Variants in TRIM71 observed in about 807,000 individuals in gnomAD.
TRIM71 encodes the protein E3 ubiquitin-protein ligase TRIM71.
In TRIM71, 9 loss-of-function variants were observed where a neutral mutation model predicts 61.2. The observed-to-expected ratio is 0.15, with a 90% CI of 0.09 to 0.26. The LOEUF (loss-of-function observed/expected upper bound fraction) is 0.26, where lower values mean the gene tolerates loss of function less well. Ranked by LOEUF, TRIM71 falls within the 10% of genes least tolerant of loss-of-function variation. The pLI is 1.00. For synonymous variants in TRIM71, 645 were observed against 553.2 expected (o/e 1.17, Z -2.33); for missense variants, 998 against 1,238.7 (o/e 0.81, Z 2.92).
At chr3:32,829,727 T>G (rs1025213887) in intron 1 of TRIM71, among the ~76,000 whole-genome samples, 5 of 151,948 alleles carry the variant, frequency 3.3e-5, no homozygotes, top group Non-Finnish European at 7.4e-5. Context: ...TAAGTCTTCA[T>G]AGAAGAAGCT....
At chr3:32,828,681 G>C (rs945339541) in intron 1 of TRIM71, among the ~76,000 whole-genome samples, 1 of 151,770 alleles carries the variant, frequency 6.6e-6, no homozygotes, top group Non-Finnish European at 1.5e-5. Context: ...AATTCTTTTT[G>C]TAGAGACTGG....
intron 1 of TRIM71, among the ~76,000 whole-genome samples, chr3:32,822,233 T>G (rs1696143207): frequency 6.6e-6 from 1 of 151,980 alleles, no homozygotes; most frequent in South Asian, 2.1e-4. Context: ...CTGGAAAACA[T>G]TGTAGCCCGC....
At chr3:32,837,147 A>T (rs149688425) in intron 1 of TRIM71, among the ~76,000 whole-genome samples, 3 of 152,264 alleles carry the variant, frequency 2.0e-5, no homozygotes, top group Non-Finnish European at 4.4e-5. Flanking sequence ...CATTGTTAAC[A>T]GCGTGGATAA....
chr3:32,858,998 T>C (rs1575351224), intron 1 of TRIM71, among the ~76,000 whole-genome samples: 2 of 152,230 alleles, frequency 1.3e-5, no homozygotes, highest in South Asian at 2.1e-4. Flanking sequence ...GGGTGGATGG[T>C]GAGGCTCTGC....
At chr3:32,868,051 A>G (rs1461080575) in intron 1 of TRIM71, among the ~76,000 whole-genome samples, 3 of 152,168 alleles carry the variant, frequency 2.0e-5, no homozygotes, top group Non-Finnish European at 4.4e-5. Context: ...ACGCAACACA[A>G]CAAGACTTTT....
intron 1 of TRIM71, among the ~76,000 whole-genome samples, chr3:32,837,792 C>G (rs1051549549): frequency 6.7e-6 from 1 of 150,058 alleles, no homozygotes; most frequent in Non-Finnish European, 1.5e-5. Context: ...GGTGACAGAG[C>G]GAGACTCCAT....
At chr3:32,880,491 T>C (rs563361198) in intron 2 of TRIM71, among the ~76,000 whole-genome samples, 1 of 152,366 alleles carries the variant, frequency 6.6e-6, no homozygotes, top group East Asian at 1.9e-4. Flanking sequence ...TCAGAGTTCC[T>C]AACTTATGAC....
At chr3:32,828,502 C>CTTTTTTTTTTT (rs67014189) in intron 1 of TRIM71, among the ~76,000 whole-genome samples, 1 of 93,248 alleles carries the variant, frequency 1.1e-5, no homozygotes, top group Non-Finnish European at 2.0e-5. Context: ...CAATTGTAAA[C>CTTTTTTTTTTT]TTTTTTTTTT....
intron 1 of TRIM71, among the ~76,000 whole-genome samples, chr3:32,845,541 A>G (rs1269836663): frequency 1.3e-5 from 2 of 152,140 alleles, no homozygotes; most frequent in African/African-American, 2.4e-5. Context: ...GGGGTTACTC[A>G]CAGGTACAAA....
intron 2 of TRIM71, among the ~76,000 whole-genome samples, chr3:32,881,854 AT>A (rs1209530731): frequency 6.6e-6 from 1 of 152,162 alleles, no homozygotes; most frequent in Non-Finnish European, 1.5e-5. Flanking sequence ...GTCGTGCGTA[AT>A]TTGGAAGGGA....
At chr3:32,871,926 G>A (rs1422801249) in intron 1 of TRIM71, among the ~76,000 whole-genome samples, 2 of 152,176 alleles carry the variant, frequency 1.3e-5, no homozygotes, top group African/African-American at 2.4e-5. Context: ...GGTGGATCAC[G>A]AGGTCAGAAG....
chr3:32,892,957 A>C lies in TRIM71; in HGVS notation c.*1146A>C. On this transcript the variant is annotated 3_prime_UTR_variant, in exon 4 of 4. Coordinates refer to ENST00000383763, the MANE Select transcript of TRIM71 (RefSeq NM_001039111.3). ...AGGGTCTGCCCTGACCCGCGAGTGC[A>C]TGTTGTTCTGTAGTGCTAGGGGTTT... is the stretch of plus-strand genomic sequence containing the variant. The C allele has an allele frequency of 6.6e-6, 1 of 152,194 alleles. No homozygotes were observed. The highest frequency in any genetic ancestry group is 1.9e-4 in the East Asian group (1 of 5,198). The allele number at this position is 152,194 out of a possible 1,614,324, so 9.4% of individuals were successfully genotyped here. A position where few individuals can be genotyped will look rare whatever the true frequency, so the allele number is the denominator to read the frequency against.
chr3:32,841,018 G>A (rs372882163), intron 1 of TRIM71, among the ~76,000 whole-genome samples: 2 of 152,262 alleles, frequency 1.3e-5, no homozygotes, highest in East Asian at 3.9e-4. Flanking sequence ...AGGCCGAGGT[G>A]GGTGGACCAT....
rs777314282 is a variant in TRIM71 at position 32,891,044 on chromosome 3, G to A, written c.1840G>A (p.Val614Ile). 12 of 1,613,390 alleles carry A rather than the reference G, an allele frequency of 7.4e-6. No homozygotes were observed. Among genetic ancestry groups the A allele is most frequent in the Non-Finnish European group, 5.9e-6 (7 of 1,180,012 alleles). The stretch of plus-strand genomic sequence containing the variant: ...GCTCTGCCGCCCTTGGGGTGTGAGT[G>A]TAGACAAGGAGGGCTACATCATTGT... ...GKLCRPWGVSVDKEGYIIVAD... is the reference protein window; with the variant it reads ...GKLCRPWGVSIDKEGYIIVAD... Residue 614 changes from valine to isoleucine, a missense_variant, in exon 4 of 4, where the codon GTA becomes ATA. Val to Ile is a conservative substitution (Grantham distance 29). Coordinates refer to ENST00000383763, the MANE Select transcript of TRIM71 (RefSeq NM_001039111.3). This position sits in a 1 kb window ranked among gnomAD's most constrained non-coding sequence, Gnocchi z 8.2.
chr3:32,856,098 A>T (rs1178237046), intron 1 of TRIM71, among the ~76,000 whole-genome samples: 1 of 152,128 alleles, frequency 6.6e-6, no homozygotes, highest in South Asian at 2.1e-4. Context: ...GCTCACTGCA[A>T]GCTCCGCCTC....
intron 1 of TRIM71, among the ~76,000 whole-genome samples, chr3:32,862,699 A>G (rs1696684590): frequency 1.3e-5 from 2 of 152,194 alleles, no homozygotes; most frequent in Admixed American, 1.3e-4. Flanking sequence ...TATAATTTAC[A>G]TGGGCAGTGA....
intron 1 of TRIM71, among the ~76,000 whole-genome samples, chr3:32,820,168 G>A (rs1299522075): frequency 1.3e-5 from 2 of 152,224 alleles, no homozygotes; most frequent in African/African-American, 4.8e-5. Flanking sequence ...GGCTTTAAAA[G>A]CCATAGTGGG....
At chr3:32,858,908 A>C (rs1335403922) in intron 1 of TRIM71, among the ~76,000 whole-genome samples, 1 of 152,100 alleles carries the variant, frequency 6.6e-6, no homozygotes, top group South Asian at 2.1e-4. Flanking sequence ...ACCAGCTAAG[A>C]GCTTGTGAAT....
chr3:32,869,971 C>A (rs1035932927), intron 1 of TRIM71, among the ~76,000 whole-genome samples: 1 of 152,240 alleles, frequency 6.6e-6, no homozygotes, highest in Non-Finnish European at 1.5e-5. Flanking sequence ...AGTCCCTTCC[C>A]CCCTTTCCCG....
Sources: allele counts gnomAD v4.1 joint callset (sites outside exome capture counted in the v4.1 genomes callset), GRCh38; gene constraint gnomAD v4.1.1; non-coding constraint Gnocchi (gnomAD v3.1); transcripts MANE v1.5; gene names NCBI Gene and HGNC (gene_info 2026-07-23, HGNC 2026-07-21).